GLRA2: variants seen among roughly 807,000 people sequenced by gnomAD.
The protein encoded by GLRA2 is glycine receptor subunit alpha-2.
A neutral mutation model predicts 31.6 loss-of-function variants in GLRA2; 11 were observed. That is an observed-to-expected ratio of 0.35 (90% CI 0.22 to 0.58). The LOEUF (loss-of-function observed/expected upper bound fraction) is 0.58, where lower values mean the gene tolerates loss of function less well. Ranked by LOEUF, GLRA2 falls within the 20% of genes least tolerant of loss-of-function variation. The pLI is 0.84. For missense variants in GLRA2, 212 were observed against 351.8 expected (o/e 0.60, Z 3.18); for synonymous variants, 132 against 134.0 (o/e 0.99, Z 0.10).
At position 14,532,135 on chromosome X, in the gene GLRA2, A is replaced by G. The variant is rs2089264167; in HGVS notation, c.69-104A>G. On this transcript the variant is annotated intron_variant, in intron 1 of 8. Transcript: ENST00000218075. ...TTTTTCTAGTTTTCTTCATACTAAC[A>G]TATCAAATATCTTTACCAAAATGTA... 2.4e-5 allele frequency: 13 copies of G among 538,033 alleles called. No homozygotes were observed. The South Asian group carries it at 7.5e-4, about 31-fold the overall frequency. The allele number at this position is 538,033 out of a possible 1,213,427, so 44.3% of individuals were successfully genotyped here.
intron 3 of GLRA2, among the ~76,000 whole-genome samples, chrX:14,579,877 C>T (rs1056141663): frequency 8.9e-6 from 1 of 112,062 alleles, no homozygotes; most frequent in African/African-American, 3.2e-5. Context: ...GAAAATAAGT[C>T]ATGGGAATTT....
At chrX:14,471,194 C>A in the GLRA2 span, among the ~76,000 whole-genome samples, 1 of 111,772 alleles carries the variant, frequency 8.9e-6, no homozygotes, top group South Asian at 3.7e-4. Flanking sequence ...TGATTAAACA[C>A]ATTAATGAGA....
chrX:14,560,604 G>C (rs2089713255), intron 2 of GLRA2, among the ~76,000 whole-genome samples: 1 of 110,377 alleles, frequency 9.1e-6, no homozygotes, highest in South Asian at 3.9e-4. Context: ...GAGCCCAGGA[G>C]TTCAAGACCA....
intron 7 of GLRA2, among the ~76,000 whole-genome samples, chrX:14,638,248 A>G (rs762416653): frequency 9.0e-6 from 1 of 111,524 alleles, no homozygotes; most frequent in Admixed American, 9.6e-5. Flanking sequence ...AGGATGGAGT[A>G]GAGTTGACTA....
chrX:14,666,957 T>C (rs138089856), intron 7 of GLRA2, among the ~76,000 whole-genome samples: 1,210 of 112,325 alleles, frequency 0.011, 7 homozygotes, highest in Middle Eastern at 0.018. Context: ...CTTGTATTTA[T>C]TTACCTCTGT....
the GLRA2 span, among the ~76,000 whole-genome samples, chrX:14,508,924 GA>G: frequency 9.0e-6 from 1 of 111,505 alleles, no homozygotes; most frequent in South Asian, 3.8e-4. Context: ...GATGACACCA[GA>G]AACAAATGTC....
chrX:14,671,777 T>A (rs1391185185), intron 7 of GLRA2, among the ~76,000 whole-genome samples: 2 of 112,929 alleles, frequency 1.8e-5, no homozygotes, highest in Non-Finnish European at 3.7e-5. Context: ...GTATTGCACA[T>A]GCAATTGTTT....
chrX:14,620,652 G>A (rs1283578597), intron 7 of GLRA2, among the ~76,000 whole-genome samples: 1 of 110,993 alleles, frequency 9.0e-6, no homozygotes, highest in Non-Finnish European at 1.9e-5. Flanking sequence ...ATCACAAAAT[G>A]GGGACTGGGA....
Position 14,723,354 on chromosome X carries a change from T to C in GLRA2, c.1081-6853T>C, listed in dbSNP as rs772055516. Among the ~76,000 whole-genome samples, 29 of 112,164 alleles carry C rather than the reference T, an allele frequency of 2.6e-4. No homozygotes were observed. In the Admixed American group the frequency reaches 2.6e-3, roughly 10 times the overall value. Reference sequence around the variant, plus strand: ...CCCCTCTATGTCTCTAGTTGGCACATTGCTCTCTACCTATACCACCACCCA... The same window carrying C: ...CCCCTCTATGTCTCTAGTTGGCACACTGCTCTCTACCTATACCACCACCCA... On this transcript the variant is annotated intron_variant, in intron 8 of 8. Transcript: ENST00000218075.
At chrX:14,450,819 C>T in the GLRA2 span, among the ~76,000 whole-genome samples, 2 of 111,656 alleles carry the variant, frequency 1.8e-5, no homozygotes, top group Non-Finnish European at 1.9e-5. Flanking sequence ...GATCCTCCCA[C>T]CTCACCTCAG....
the GLRA2 span, among the ~76,000 whole-genome samples, chrX:14,453,991 A>G: frequency 2.8e-3 from 317 of 111,893 alleles, no homozygotes; most frequent in African/African-American, 9.8e-3. Flanking sequence ...ACATAAAATC[A>G]TAGTAAAGAA....
intron 8 of GLRA2, among the ~76,000 whole-genome samples, chrX:14,716,900 T>G (rs1482705039): frequency 9.0e-6 from 1 of 111,601 alleles, no homozygotes; most frequent in African/African-American, 3.3e-5. Context: ...CTTGTATGTC[T>G]CAGCAGTGTT....
At chrX:14,636,330 C>T (rs190340118) in intron 7 of GLRA2, among the ~76,000 whole-genome samples, 186 of 110,897 alleles carry the variant, frequency 1.7e-3, no homozygotes, top group Non-Finnish European at 1.6e-3. Context: ...CTGACAAATA[C>T]GACCTTAGTC....
At chrX:14,683,167 G>A (rs1298315446) in intron 7 of GLRA2, among the ~76,000 whole-genome samples, 1 of 111,780 alleles carries the variant, frequency 8.9e-6, no homozygotes, top group Non-Finnish European at 1.9e-5. Context: ...AGTCTCACCA[G>A]CAGTGTAAAA....
chrX:14,522,569 G>A, the GLRA2 span, among the ~76,000 whole-genome samples: 1 of 112,216 alleles, frequency 8.9e-6, no homozygotes, highest in African/African-American at 3.2e-5. Flanking sequence ...AGGAATCACT[G>A]TCTATGGCAG....
chrX:14,701,409 A>G (rs1349190674), intron 8 of GLRA2, among the ~76,000 whole-genome samples: 1 of 111,505 alleles, frequency 9.0e-6, no homozygotes. Flanking sequence ...AAGAATTTCA[A>G]GATGGCAACA....
chrX:14,617,743 C>T (rs73437206), intron 7 of GLRA2, among the ~76,000 whole-genome samples: 23,762 of 110,894 alleles, frequency 0.21, 2,201 homozygotes, highest in Non-Finnish European at 0.3. Flanking sequence ...GGAACAGAGA[C>T]GATCCATCCC....
At chrX:14,518,655 ATG>A in the GLRA2 span, among the ~76,000 whole-genome samples, 306 of 108,027 alleles carry the variant, frequency 2.8e-3, no homozygotes, top group African/African-American at 9.5e-3. Context: ...GTGTGTGTGT[ATG>A]TGTGTGTGTG....
chrX:14,566,899 T>C (rs2089814702), intron 2 of GLRA2, among the ~76,000 whole-genome samples: 1 of 111,510 alleles, frequency 9.0e-6, no homozygotes, highest in Non-Finnish European at 1.9e-5. Context: ...GTCCCTTCTC[T>C]CTCTCTCTGC....
Sources: gnomAD v4.1 joint callset for allele counts (sites outside exome capture counted in the v4.1 genomes callset) on GRCh38, gnomAD v4.1.1 for gene constraint, MANE v1.5 for transcripts, NCBI Gene and HGNC (gene_info 2026-07-23, HGNC 2026-07-21) for gene names.